Variants in TCF25 observed in about 807,000 individuals in gnomAD.
The protein encoded by TCF25 is TCF25 ribosome quality control complex subunit.
Under a neutral mutation model 83.1 loss-of-function variants are expected in TCF25, and 41 were observed. That is an observed-to-expected ratio of 0.49 (90% confidence interval 0.38 to 0.64). The LOEUF (loss-of-function observed/expected upper bound fraction) is 0.64, where lower values mean the gene tolerates loss of function less well. TCF25 is among the 30% of genes least tolerant of loss of function. TCF25 has a pLI of 0.00. For synonymous variants in TCF25, 458 were observed against 365.0 expected, an observed-to-expected ratio of 1.25 and a Z score of -2.90; for missense variants, 979 against 914.5, an observed-to-expected ratio of 1.07 and a Z score of -0.91.
intron 16 of TCF25, among the ~76,000 whole-genome samples, chr16:89,907,648 CCTCCCAG>C (rs1164217193): frequency 2.8e-5 from 3 of 105,528 alleles, no homozygotes; most frequent in South Asian, 3.7e-4. Context: ...CTAGTTCCCA[CCTCCCAG>C]CTCCCAGCTC....
intron 3 of TCF25, among the ~76,000 whole-genome samples, chr16:89,885,630 C>G (rs1471645019): frequency 6.6e-6 from 1 of 152,112 alleles, no homozygotes. Flanking sequence ...TTTCTAGGGT[C>G]CTTCTGGTTC....
At chr16:89,877,226 CAG>C (rs1334326049) in intron 1 of TCF25, among the ~76,000 whole-genome samples, 2 of 151,994 alleles carry the variant, frequency 1.3e-5, no homozygotes, top group Admixed American at 6.6e-5. Context: ...TTTTTGGAGA[CAG>C]AGTCTCGCTC....
rs542920247 is a variant in TCF25, at chr16:89,873,807, G to C, written c.140G>C (p.Arg47Pro). 11 of 1,598,452 alleles carry C rather than the reference G, an allele frequency of 6.9e-6. No individual in the cohort carries two copies. Among genetic ancestry groups the C allele is most frequent in the Non-Finnish European group, 9.4e-6 (11 of 1,174,460 alleles). The change falls in exon 1 of 18, where the codon CGT becomes CCT. Residue 47 changes from arginine to proline, a missense_variant. Physicochemically the swap from Arg to Pro is moderately radical, Grantham distance 103. Coordinates refer to ENST00000263346, the MANE Select transcript of TCF25 (RefSeq NM_014972.3). The part of the protein sequence containing the change: ...EGPKRELGVR[R>P]PGGAGKEGVR... ...CCCAAGCGGGAGCTTGGTGTCCGGC[G>C]TCCCGGGGGCGCAGGGAAGGAGGGC...
intron 12 of TCF25, 109 bp from the exon 13 acceptor site, chr16:89,904,009 A>G: frequency 9.0e-7 from 1 of 1,112,384 alleles, no homozygotes; most frequent in South Asian, 1.4e-5. Context: ...CCACCTTAGA[A>G]CAGCTGTGTC....
chr16:89,874,621 G>A (rs1056299160), intron 1 of TCF25: 19 of 152,338 alleles, frequency 1.2e-4, no homozygotes, highest in African/African-American at 4.6e-4. Flanking sequence ...GGAAGTAACA[G>A]TTTGACTGTA....
rs764965643 is a variant in TCF25 at position 89,905,109 on chromosome 16, T to C, written c.1628+13T>C. ...CCTGTGAGAACCGGTGAGCTAGGGG[T>C]TGACACAAGCCCTGCCACGCCCCCT... On this transcript the variant is annotated intron_variant, in intron 14 of 17. Transcript: ENST00000263346. 1 of 1,577,298 alleles carries C rather than the reference T, an allele frequency of 6.3e-7. No individual in the cohort carries two copies. The highest frequency in any genetic ancestry group is 1.2e-5 in the South Asian group (1 of 85,296).
intron 11 of TCF25, among the ~76,000 whole-genome samples, chr16:89,899,512 A>C (rs2044150360): frequency 6.6e-6 from 1 of 152,178 alleles, no homozygotes; most frequent in South Asian, 2.1e-4. Flanking sequence ...CGGGCGGATC[A>C]CCTGAGGTCA....
chr16:89,905,015 T>C lies in TCF25; in HGVS notation c.1547T>C (p.Met516Thr). The C allele has an allele frequency of 6.2e-7, 1 of 1,604,406 alleles. No individual in the cohort carries two copies. Among genetic ancestry groups the C allele is most frequent in the Non-Finnish European group, 8.5e-7 (1 of 1,175,962 alleles). Residue 516 changes from methionine to threonine, a missense_variant, in exon 14 of 18, where the codon ATG (methionine) becomes ACG (threonine). By Grantham distance (81) the Met-to-Thr change is moderately conservative. Transcript: ENST00000263346. Reference protein sequence around the residue: ...SHFLWKEPATMSWLEENVHEV... With the variant: ...SHFLWKEPATTSWLEENVHEV... The stretch of plus-strand genomic sequence containing the variant: ...TTTCTCTGGAAAGAGCCCGCCACCA[T>C]GAGCTGGCTGGAGGAGAACGTCCAC...
At chr16:89,910,399 C>G (rs2045461971) in intron 16 of TCF25, 192 bp from the exon 17 acceptor site, 1 of 622,408 alleles carries the variant, frequency 1.6e-6, no homozygotes, top group African/African-American at 1.8e-5. Flanking sequence ...CAGCCCCACC[C>G]TAAGCTGATG....
At position 89,904,170 on chromosome 16, in the gene TCF25, C is replaced by T. The variant is rs1034678097; in HGVS notation, c.1434C>T (p.Ser478=). The T allele has an allele frequency of 5.0e-6, 8 of 1,600,866 alleles. No homozygotes were observed. In the African/African-American group the frequency reaches 9.4e-5, roughly 19 times the overall value. ...GTGTGCGGCCCGACGCCAGCGTTTC[C>T]AGTCACCGCTTCTTTGGACCCAATG... ...SCSVRPDASV[S]SHRFFGPNAE... is the part of the protein sequence containing the mutation. The change falls in exon 13 of 18, where the codon TCC becomes TCT. Residue 478 remains serine (S), a synonymous_variant. Coordinates refer to ENST00000263346, the MANE Select transcript of TCF25 (RefSeq NM_014972.3).
chr16:89,885,920 C>A lies in TCF25; in HGVS notation c.502C>A (p.Pro168Thr). The change falls in exon 4 of 18, where the codon CCA becomes ACA. Residue 168 changes from proline to threonine, a missense_variant. Coordinates refer to ENST00000263346, the MANE Select transcript of TCF25 (RefSeq NM_014972.3). ...EDSTGLNRPG[P>T]APLSSRKHVL... ...CAGCACTGGGTTGAACCGTCCCGGC[C>A]CAGCTCCCCTGAGCTCCAGGAAGCA... 2 of 1,596,472 alleles carry A rather than the reference C, an allele frequency of 1.3e-6. No homozygotes were observed. The highest frequency in any genetic ancestry group is 1.7e-6 in the Non-Finnish European group (2 of 1,171,000).
chr16:89,893,526 G>C (rs1332780034), intron 6 of TCF25, among the ~76,000 whole-genome samples: 1 of 152,182 alleles, frequency 6.6e-6, no homozygotes, highest in African/African-American at 2.4e-5. Context: ...AAGCAGACGG[G>C]ATGCCGTCTC....
intron 16 of TCF25, chr16:89,910,365 C>A: frequency 1.7e-6 from 1 of 590,520 alleles, no homozygotes; most frequent in South Asian, 2.0e-5. Flanking sequence ...GAGTTGGTCT[C>A]CCTCATCCTG....
intron 11 of TCF25, among the ~76,000 whole-genome samples, chr16:89,900,379 C>T (rs1450121786): frequency 6.6e-6 from 1 of 151,866 alleles, no homozygotes; most frequent in Non-Finnish European, 1.5e-5. Flanking sequence ...GGGACCCTCA[C>T]TCCCCACGGT....
chr16:89,906,411 C>A, intron 15 of TCF25, 127 bp downstream of exon 15: 1 of 855,440 alleles, frequency 1.2e-6, no homozygotes, highest in East Asian at 2.6e-5. Flanking sequence ...CCCGCCACGG[C>A]AGGGGCAGGG....
At chr16:89,893,989 T>A (rs1281995830) in intron 7 of TCF25, 131 bp downstream of exon 7, 1 of 1,364,648 alleles carries the variant, frequency 7.3e-7, no homozygotes, top group Non-Finnish European at 9.9e-7. Context: ...GGTGCCAGTC[T>A]CTGCAGGGCG....
Position 89,911,325 on chromosome 16 carries a change from A to T in TCF25, c.*87A>T. 1 of 1,550,960 alleles carries T rather than the reference A, an allele frequency of 6.4e-7. No homozygotes were observed. Among genetic ancestry groups the T allele is most frequent in the Non-Finnish European group, 8.8e-7 (1 of 1,135,114 alleles). On this transcript the variant is annotated 3_prime_UTR_variant, in exon 18 of 18. Transcript: ENST00000263346. ...GTCGGCCAGTTGCCTGAAGTAGGGA[A>T]GCTGAGTGTGTCGCTCCCTGGTCCA... is the stretch of plus-strand genomic sequence containing the variant.
intron 8 of TCF25, among the ~76,000 whole-genome samples, 155 bp downstream of exon 8, chr16:89,895,292 G>C (rs148020214): frequency 2.0e-5 from 3 of 152,154 alleles, no homozygotes; most frequent in African/African-American, 7.2e-5. Flanking sequence ...CCCATTTAAA[G>C]TTTTTGTTTG....
Position 89,906,236 on chromosome 16 carries a change from C to T in TCF25, c.1671C>T (p.Arg557=), listed in dbSNP as rs150282965. 360 of 1,613,352 alleles carry T rather than the reference C, an allele frequency of 2.2e-4. No individual in the cohort carries two copies. The highest frequency in any genetic ancestry group is 2.9e-4 in the Non-Finnish European group (339 of 1,180,020). The change falls in exon 15 of 18, where the codon CGC becomes CGT. Residue 557 remains arginine, a synonymous_variant. Coordinates refer to ENST00000263346, the MANE Select transcript of TCF25 (RefSeq NM_014972.3). Reference sequence around the variant, plus strand: ...AGCGTGCACCCAGGAATATCCACCGCCATGTGATCCTCTCTGAGATCAAGG... The same window carrying T: ...AGCGTGCACCCAGGAATATCCACCGTCATGTGATCCTCTCTGAGATCAAGG... ...LYQRAPRNIH[R]HVILSEIKEA...
Sources: allele counts gnomAD v4.1 joint callset (sites outside exome capture counted in the v4.1 genomes callset), GRCh38; gene constraint gnomAD v4.1.1; transcripts MANE v1.5; gene names NCBI Gene and HGNC (gene_info 2026-07-23, HGNC 2026-07-21).